Variants in PARD3B observed in about 807,000 individuals in gnomAD.
The protein encoded by PARD3B is partitioning defective 3 homolog B.
PARD3B carries 103 observed loss-of-function variants against 130.2 expected under a neutral mutation model. The ratio of observed to expected loss-of-function variants is 0.79; its 90% confidence interval spans 0.67 to 0.93. The LOEUF is 0.93. PARD3B is among the 40% of genes least tolerant of loss of function. PARD3B has a pLI of 0.00. For synonymous variants in PARD3B, 583 were observed against 553.2 expected (o/e 1.05, Z -0.76); for missense variants, 1,609 against 1,499.2 (o/e 1.07, Z -1.21).
In PARD3B at chr2:205,525,582, A is replaced by G. The variant is rs1203803627; in HGVS notation, c.3180+25551A>G. ...GGGGTATTGGTTGCATGACTTTATT[A>G]GCTCCTAGACTGAGGTCTATTGTGC... is the stretch of plus-strand genomic sequence containing the variant. On this transcript the variant is annotated intron_variant, in intron 21 of 22. Transcript: ENST00000406610. The surrounding 1 kb of genome is among the most constrained non-coding windows in gnomAD (Gnocchi z 4.2). Among the ~76,000 whole-genome samples the G allele has an allele frequency of 6.6e-6, 1 of 152,202 alleles. No homozygotes were observed. The highest frequency in any genetic ancestry group is 6.5e-5 in the Admixed American group (1 of 15,282).
intron 3 of PARD3B, among the ~76,000 whole-genome samples, chr2:204,973,504 G>GAT (rs202244934): frequency 9.3e-5 from 7 of 75,284 alleles, no homozygotes; most frequent in South Asian, 1.4e-3. Context: ...TAGCCTTTAA[G>GAT]ATTTTTTTTT....
At chr2:205,364,970 G>A (rs1402218382) in intron 18 of PARD3B, among the ~76,000 whole-genome samples, 1 of 152,100 alleles carries the variant, frequency 6.6e-6, no homozygotes. Flanking sequence ...GAGAGGCCAA[G>A]GCGAGTAGAT....
intron 2 of PARD3B, among the ~76,000 whole-genome samples, chr2:204,758,892 C>A (rs1357951641): frequency 6.6e-6 from 1 of 152,136 alleles, no homozygotes; most frequent in Non-Finnish European, 1.5e-5. Context: ...TCTCAAGTGG[C>A]CTTACAATAT....
intron 21 of PARD3B, among the ~76,000 whole-genome samples, chr2:205,547,199 A>G (rs912219917): frequency 6.6e-6 from 1 of 152,170 alleles, no homozygotes; most frequent in Non-Finnish European, 1.5e-5. Context: ...TATTAATCCC[A>G]TTCCATAAGC....
At chr2:205,454,790 C>T (rs182957056) in intron 20 of PARD3B, among the ~76,000 whole-genome samples, 13 of 152,152 alleles carry the variant, frequency 8.5e-5, no homozygotes, top group East Asian at 1.9e-4. Flanking sequence ...GATTTATTCA[C>T]GAAAAACCAA....
chr2:205,112,059 C>T (rs1703684164), intron 5 of PARD3B, among the ~76,000 whole-genome samples: 1 of 151,966 alleles, frequency 6.6e-6, no homozygotes, highest in Non-Finnish European at 1.5e-5. Flanking sequence ...GTGTTCATAT[C>T]CTCAAATATA....
chr2:204,883,745 A>G (rs1191475574), intron 2 of PARD3B, among the ~76,000 whole-genome samples: 1 of 105,958 alleles, frequency 9.4e-6, no homozygotes, highest in South Asian at 3.2e-4. Context: ...CACCTGGCCT[A>G]TATATATTTT....
intron 22 of PARD3B, among the ~76,000 whole-genome samples, chr2:205,583,700 G>A (rs2054089287): frequency 6.6e-6 from 1 of 152,124 alleles, no homozygotes; most frequent in South Asian, 2.1e-4. Context: ...CATACCTTTT[G>A]TAAAATGATC....
At chr2:205,298,642 A>C (rs888423426) in intron 16 of PARD3B, among the ~76,000 whole-genome samples, 1 of 152,148 alleles carries the variant, frequency 6.6e-6, no homozygotes, top group African/African-American at 2.4e-5. Context: ...TATATTGTTC[A>C]AAGTGCAAAG....
At chr2:205,111,942 A>G (rs1317611994) in intron 5 of PARD3B, among the ~76,000 whole-genome samples, 1 of 152,028 alleles carries the variant, frequency 6.6e-6, no homozygotes, top group African/African-American at 2.4e-5. Context: ...TATAAAACGT[A>G]TTGCTTTTTT....
At chr2:205,419,982 T>C (rs1296076515) in intron 19 of PARD3B, among the ~76,000 whole-genome samples, 1 of 152,192 alleles carries the variant, frequency 6.6e-6, no homozygotes, top group Non-Finnish European at 1.5e-5. Context: ...TTCGAAAGAT[T>C]TGCGGCCAAG....
At chr2:205,506,774 T>C (rs1289194025) in intron 21 of PARD3B, among the ~76,000 whole-genome samples, 1 of 152,244 alleles carries the variant, frequency 6.6e-6, no homozygotes, top group Non-Finnish European at 1.5e-5. Context: ...AAAAACTAAG[T>C]ACATTGATGA....
At chr2:204,595,282 G>A (rs766927224) in intron 1 of PARD3B, among the ~76,000 whole-genome samples, 2 of 152,228 alleles carry the variant, frequency 1.3e-5, no homozygotes, top group Non-Finnish European at 2.9e-5. Flanking sequence ...GACTCGGGCA[G>A]TGGAAACACT....
chr2:204,633,358 C>G (rs1386662445), intron 1 of PARD3B, among the ~76,000 whole-genome samples: 5 of 152,086 alleles, frequency 3.3e-5, no homozygotes, highest in Non-Finnish European at 5.9e-5. Flanking sequence ...TGAAGCAAAC[C>G]TCAGATGTCA....
chr2:205,020,451 A>G (rs764132331), intron 3 of PARD3B, among the ~76,000 whole-genome samples: 1 of 152,126 alleles, frequency 6.6e-6, no homozygotes, highest in East Asian at 1.9e-4. Flanking sequence ...ATCTTTGTTG[A>G]GTTAAATAAG....
chr2:205,490,899 A>C (rs547661319), intron 20 of PARD3B, among the ~76,000 whole-genome samples: 5 of 152,246 alleles, frequency 3.3e-5, no homozygotes, highest in African/African-American at 7.2e-5. Flanking sequence ...CTTTTGGCTG[A>C]ATAAATGTCT....
intron 18 of PARD3B, among the ~76,000 whole-genome samples, chr2:205,354,420 G>A (rs1303522288): frequency 5.3e-5 from 8 of 151,748 alleles, no homozygotes; most frequent in Middle Eastern, 3.4e-3. Context: ...GTAACAAGCC[G>A]GCACGTTGTG....
chr2:205,247,087 C>T (rs2039605209), intron 16 of PARD3B, among the ~76,000 whole-genome samples: 1 of 152,050 alleles, frequency 6.6e-6, no homozygotes, highest in African/African-American at 2.4e-5. Flanking sequence ...TGTTATAATA[C>T]CTGAAGATGA....
At chr2:205,155,898 GT>G (rs2034091381) in intron 10 of PARD3B, among the ~76,000 whole-genome samples, 1 of 151,992 alleles carries the variant, frequency 6.6e-6, no homozygotes, top group South Asian at 2.1e-4. Context: ...GGGGTTGTTT[GT>G]TTTTTTCTTG....
Sources: allele counts gnomAD v4.1 joint callset (sites outside exome capture counted in the v4.1 genomes callset), GRCh38; gene constraint gnomAD v4.1.1; non-coding constraint Gnocchi (gnomAD v3.1); transcripts MANE v1.5; gene names NCBI Gene and HGNC (gene_info 2026-07-23, HGNC 2026-07-21).